RAB1A: variants seen among roughly 807,000 people sequenced by gnomAD.
RAB1A encodes RAB1A, member RAS oncogene family, also known as ras-related protein Rab-1A.
Under a neutral mutation model 26.0 loss-of-function variants are expected in RAB1A, and 2 were observed. That is an observed-to-expected ratio of 0.08 (90% CI 0.03 to 0.24). The LOEUF is 0.24. Among genes scored for constraint, RAB1A ranks in the 10% least tolerant of loss-of-function variants. RAB1A has a pLI of 1.00. For missense variants in RAB1A, 100 were observed against 247.0 expected (o/e 0.40, Z 3.99); for synonymous variants, 84 against 84.9 (o/e 0.99, Z 0.06).
At position 65,087,752 on chromosome 2, in the gene RAB1A, A is replaced by C. The variant is rs1375776157; in HGVS notation, c.*741T>G. 2.6e-5 allele frequency: 4 copies of C among 152,692 alleles called. No individual in the cohort carries two copies. The highest frequency in any genetic ancestry group is 9.6e-5 in the African/African-American group (4 of 41,464). 9.5% of individuals were successfully genotyped at this position (152,692 alleles called of 1,614,324 possible). On this transcript the variant is annotated 3_prime_UTR_variant, in exon 6 of 6. Coordinates refer to ENST00000409784, the MANE Select transcript of RAB1A (RefSeq NM_004161.5). ...AAAGCAAATACTGGATGCTGCTCTA[A>C]GATAGGTCTAGAATACCTTAGTTTG...
chr2:65,115,829 T>C (rs1669811186), intron 1 of RAB1A, among the ~76,000 whole-genome samples: 1 of 152,212 alleles, frequency 6.6e-6, no homozygotes, highest in Non-Finnish European at 1.5e-5. Flanking sequence ...TTTTCCAGGT[T>C]CCAATATAGT....
At chr2:65,096,855 T>C (rs1171665936) in intron 3 of RAB1A, among the ~76,000 whole-genome samples, 1 of 152,238 alleles carries the variant, frequency 6.6e-6, no homozygotes, top group African/African-American at 2.4e-5. Flanking sequence ...TCATAAGTAG[T>C]ATCTATATGC....
chr2:65,097,777 C>T (rs576104727), intron 3 of RAB1A, among the ~76,000 whole-genome samples, 194 bp downstream of exon 3: 43 of 152,284 alleles, frequency 2.8e-4, no homozygotes, highest in Non-Finnish European at 5.6e-4. Context: ...ATAGAAAATT[C>T]AATGAGGCTT....
chr2:65,128,182 G>A (rs1021671990), intron 1 of RAB1A, among the ~76,000 whole-genome samples: 3 of 151,884 alleles, frequency 2.0e-5, no homozygotes, highest in African/African-American at 7.3e-5. Flanking sequence ...CCACTACCCT[G>A]ACAGGAATAA....
At chr2:65,089,172 G>GAGTTGTCTCACTAGCTCTT in intron 4 of RAB1A, 102 bp from the exon 5 acceptor site, 2 of 1,116,716 alleles carry the variant, frequency 1.8e-6, no homozygotes, top group Non-Finnish European at 2.5e-6. Context: ...CAAAGAGCTA[G>GAGTTGTCTCACTAGCTCTT]TGAGACAACT....
At chr2:65,116,084 G>C (rs1330288823) in intron 1 of RAB1A, among the ~76,000 whole-genome samples, 2 of 152,126 alleles carry the variant, frequency 1.3e-5, no homozygotes, top group East Asian at 3.9e-4. Flanking sequence ...TTGAACCTGT[G>C]AGGCAGAGGT....
intron 1 of RAB1A, among the ~76,000 whole-genome samples, chr2:65,128,464 A>C (rs1287617457): frequency 6.6e-6 from 1 of 152,166 alleles, no homozygotes; most frequent in Non-Finnish European, 1.5e-5. Flanking sequence ...AGCCCTTGAA[A>C]AAAAATTTTT....
Position 65,088,195 on chromosome 2 carries a change from A to C in RAB1A, c.*298T>G. Reference sequence around the variant, plus strand: ...ATGCCAATATAAACATCAAAACAAAATATATTCTAACCAACCACGGGAAAC... The same window carrying C: ...ATGCCAATATAAACATCAAAACAAACTATATTCTAACCAACCACGGGAAAC... On this transcript the variant is annotated 3_prime_UTR_variant, in exon 6 of 6. Transcript: ENST00000409784. 1 of 274,770 alleles carries C rather than the reference A, an allele frequency of 3.6e-6. No homozygotes were observed. Among genetic ancestry groups the C allele is most frequent in the Non-Finnish European group, 6.8e-6 (1 of 148,080 alleles). The allele number at this position is 274,770 out of a possible 1,614,324, so 17.0% of individuals were successfully genotyped here.
chr2:65,101,811 G>A (rs1202811404), intron 2 of RAB1A, among the ~76,000 whole-genome samples: 3 of 136,022 alleles, frequency 2.2e-5, no homozygotes, highest in Non-Finnish European at 4.5e-5. Flanking sequence ...GTGCAATGGT[G>A]CGATCTCGAC....
At chr2:65,095,121 A>G (rs975666751) in intron 3 of RAB1A, among the ~76,000 whole-genome samples, 1 of 152,190 alleles carries the variant, frequency 6.6e-6, no homozygotes, top group African/African-American at 2.4e-5. Context: ...TTTGTCTCAG[A>G]AAAAAGAAAA....
At chr2:65,106,205 G>A (rs1558581513) in intron 1 of RAB1A, among the ~76,000 whole-genome samples, 2 of 152,102 alleles carry the variant, frequency 1.3e-5, no homozygotes, top group African/African-American at 2.4e-5. Context: ...TCCCAACTCA[G>A]ACACCAGTTC....
intron 3 of RAB1A, among the ~76,000 whole-genome samples, chr2:65,095,104 T>C (rs1393829685): frequency 6.6e-6 from 1 of 151,980 alleles, no homozygotes; most frequent in Non-Finnish European, 1.5e-5. Flanking sequence ...GGAGACAAAG[T>C]GAAATTTTTG....
At chr2:65,116,430 T>C (rs895696889) in intron 1 of RAB1A, among the ~76,000 whole-genome samples, 1 of 152,202 alleles carries the variant, frequency 6.6e-6, no homozygotes, top group South Asian at 2.1e-4. Context: ...AGGATCTTGG[T>C]GCAAGTTATT....
intron 1 of RAB1A, among the ~76,000 whole-genome samples, chr2:65,125,808 A>C (rs1354111863): frequency 6.6e-6 from 1 of 151,814 alleles, no homozygotes; most frequent in Non-Finnish European, 1.5e-5. Context: ...CCTCAAAAAA[A>C]AGCTTTAACC....
intron 4 of RAB1A, 23 bp from the exon 5 acceptor site, chr2:65,089,093 G>A (rs1335390499): frequency 3.2e-6 from 5 of 1,583,948 alleles, no homozygotes; most frequent in Non-Finnish European, 3.4e-6. Flanking sequence ...TTGAAAGACT[G>A]ATAATATAGT....
At chr2:65,123,645 G>C (rs971028373) in intron 1 of RAB1A, among the ~76,000 whole-genome samples, 4 of 151,938 alleles carry the variant, frequency 2.6e-5, no homozygotes, top group Non-Finnish European at 4.4e-5. Flanking sequence ...GGCCAACATA[G>C]TGAAACCCTG....
intron 1 of RAB1A, among the ~76,000 whole-genome samples, chr2:65,114,329 T>C (rs1246505899): frequency 2.0e-5 from 3 of 152,224 alleles, no homozygotes; most frequent in Non-Finnish European, 4.4e-5. Flanking sequence ...AGTGTATAAT[T>C]GTATTTGTAC....
intron 1 of RAB1A, among the ~76,000 whole-genome samples, chr2:65,111,526 A>C (rs1471066509): frequency 6.6e-6 from 1 of 152,190 alleles, no homozygotes; most frequent in African/African-American, 2.4e-5. Context: ...CCTACAACTA[A>C]ATACAATATG....
At chr2:65,104,033 C>T (rs1669498818) in intron 2 of RAB1A, among the ~76,000 whole-genome samples, 1 of 152,178 alleles carries the variant, frequency 6.6e-6, no homozygotes, top group Admixed American at 6.5e-5. Flanking sequence ...CCGTCTCGGC[C>T]TCCCAAAGTG....
Sources: allele counts gnomAD v4.1 joint callset (sites outside exome capture counted in the v4.1 genomes callset), GRCh38; gene constraint gnomAD v4.1.1; transcripts MANE v1.5; gene names NCBI Gene and HGNC (gene_info 2026-07-23, HGNC 2026-07-21).